RYR2: variants seen among roughly 807,000 people sequenced by gnomAD.
RYR2 encodes cardiac muscle ryanodine receptor-calcium release channel.
A neutral mutation model predicts 601.1 loss-of-function variants in RYR2; 227 were observed. That is an observed-to-expected ratio of 0.38 (90% CI 0.34 to 0.42). The LOEUF is 0.42. Among genes scored for constraint, RYR2 ranks in the 10% least tolerant of loss-of-function variants. The pLI is 1.00. For synonymous variants in RYR2, 2,223 were observed against 2,175.1 expected (o/e 1.02, Z -0.61); for missense variants, 4,646 against 6,156.5 (o/e 0.75, Z 8.21).
chr1:237,236,256 C>T (rs1412505615), intron 1 of RYR2, among the ~76,000 whole-genome samples: 1 of 152,194 alleles, frequency 6.6e-6, no homozygotes, highest in African/African-American at 2.4e-5. Flanking sequence ...TTGCTCGTAG[C>T]ACTCATTGTG....
intron 17 of RYR2, among the ~76,000 whole-genome samples, chr1:237,491,044 C>T (rs1394799013): frequency 6.6e-6 from 1 of 152,122 alleles, no homozygotes; most frequent in Admixed American, 6.5e-5. Flanking sequence ...CAGAGGTACA[C>T]ATTTAGCTTT....
intron 33 of RYR2, among the ~76,000 whole-genome samples, chr1:237,595,199 A>G (rs566356257): frequency 6.6e-6 from 1 of 152,192 alleles, no homozygotes; most frequent in South Asian, 2.1e-4. Context: ...ACCCAGAAAA[A>G]GGTCTAGTTT....
chr1:237,675,287 C>A (rs13374681), intron 60 of RYR2, among the ~76,000 whole-genome samples: 2 of 152,048 alleles, frequency 1.3e-5, no homozygotes, highest in African/African-American at 2.4e-5. Context: ...AACTGCTGTG[C>A]AGAATACTTT....
At chr1:237,557,702 G>C (rs187484936) in intron 27 of RYR2, among the ~76,000 whole-genome samples, 1 of 152,112 alleles carries the variant, frequency 6.6e-6, no homozygotes, top group East Asian at 1.9e-4. Flanking sequence ...CCTTGTCTTT[G>C]GCAATACTGT....
At chr1:237,624,989 A>C (rs1171873081) in intron 39 of RYR2, among the ~76,000 whole-genome samples, 1 of 151,486 alleles carries the variant, frequency 6.6e-6, no homozygotes, top group South Asian at 2.1e-4. Flanking sequence ...ATGTGTGTGT[A>C]TATATATATA....
At chr1:237,792,418 TG>T in intron 94 of RYR2, 95 bp downstream of exon 94, 1 of 790,766 alleles carries the variant, frequency 1.3e-6, no homozygotes, top group Non-Finnish European at 1.9e-6. Context: ...TGTGTGTGTG[TG>T]TGTGTTTTGC....
At chr1:237,088,490 C>T (rs576850220) in intron 1 of RYR2, among the ~76,000 whole-genome samples, 6 of 152,284 alleles carry the variant, frequency 3.9e-5, no homozygotes, top group Middle Eastern at 3.4e-3. Context: ...CAATGCTTTT[C>T]GCAATTTATT....
At chr1:237,554,350 C>T (rs986011959) in intron 27 of RYR2, among the ~76,000 whole-genome samples, 5 of 151,930 alleles carry the variant, frequency 3.3e-5, no homozygotes, top group African/African-American at 9.7e-5. Context: ...TCTCTTCAGT[C>T]ATGATGCATT....
At chr1:237,092,839 T>C (rs1667120529) in intron 1 of RYR2, among the ~76,000 whole-genome samples, 1 of 152,108 alleles carries the variant, frequency 6.6e-6, no homozygotes. Context: ...CCAAAGATAG[T>C]CTTATTATTA....
intron 17 of RYR2, among the ~76,000 whole-genome samples, chr1:237,481,108 A>ATG (rs1553467420): frequency 1.4e-3 from 81 of 57,220 alleles, no homozygotes; most frequent in African/African-American, 0.011. Flanking sequence ...GTATATATAC[A>ATG]TATATATATA....
chr1:237,121,850 G>T (rs1670819204), intron 1 of RYR2, among the ~76,000 whole-genome samples: 1 of 152,190 alleles, frequency 6.6e-6, no homozygotes, highest in Non-Finnish European at 1.5e-5. Context: ...TAAAAATTTA[G>T]ATGTGGTGTA....
chr1:237,133,931 A>AAAC (rs1553310925), intron 1 of RYR2, among the ~76,000 whole-genome samples: 2 of 151,578 alleles, frequency 1.3e-5, no homozygotes, highest in African/African-American at 2.4e-5. Context: ...TCTCAAAAAA[A>AAAC]AAAAAAAAAC....
At chr1:237,656,010 A>G (rs1001918851) in intron 53 of RYR2, 26 bp downstream of exon 53, 8 of 1,606,844 alleles carry the variant, frequency 5.0e-6, no homozygotes, top group African/African-American at 1.3e-5. Flanking sequence ...ATTGCAGCAG[A>G]TTTTTATTGT....
At chr1:237,190,132 G>T (rs1482793427) in intron 1 of RYR2, among the ~76,000 whole-genome samples, 4 of 152,016 alleles carry the variant, frequency 2.6e-5, no homozygotes, top group East Asian at 1.9e-4. Flanking sequence ...CTGATGATCT[G>T]CCTGCTTTGG....
chr1:237,813,991 C>T (rs2149462914), intron 100 of RYR2, among the ~76,000 whole-genome samples: 1 of 152,286 alleles, frequency 6.6e-6, no homozygotes, highest in Admixed American at 6.5e-5. Context: ...TCAAACCAGA[C>T]AGGAGTCTGT....
In RYR2 at chr1:237,469,093, G is replaced by A. The variant is rs566885717; in HGVS notation, c.1614G>A (p.Ala538=). 8.1e-6 allele frequency: 13 copies of A among 1,611,520 alleles called. No homozygotes were observed. The highest frequency in any genetic ancestry group is 1.7e-4 in the Middle Eastern group (1 of 6,048). ...TGAAATCTATTTCTTCTTTTGCAGCGGCTCTAATTAGAGGAAATCGTAAAA... is the reference window on the plus strand; with the variant it reads ...TGAAATCTATTTCTTCTTTTGCAGCAGCTCTAATTAGAGGAAATCGTAAAA... ...SILNSLYELL[A]ALIRGNRKNC... Residue 538 remains alanine, a splice_region_variant and synonymous_variant, in exon 17 of 105, where the codon GCG becomes GCA. Coordinates refer to ENST00000366574, the MANE Select transcript of RYR2 (RefSeq NM_001035.3).
chr1:237,560,287 C>T (rs1308296135), intron 27 of RYR2, among the ~76,000 whole-genome samples: 1 of 152,236 alleles, frequency 6.6e-6, no homozygotes, highest in Non-Finnish European at 1.5e-5. Context: ...ATTGCTGCCT[C>T]ACAAAGCTGC....
intron 25 of RYR2, among the ~76,000 whole-genome samples, chr1:237,532,537 C>A (rs1278823855): frequency 6.6e-6 from 1 of 151,926 alleles, no homozygotes; most frequent in African/African-American, 2.4e-5. Flanking sequence ...CCTTTCCAAA[C>A]CACTCTCAGG....
chr1:237,578,521 A>C (rs993785437), intron 29 of RYR2, among the ~76,000 whole-genome samples: 10 of 152,194 alleles, frequency 6.6e-5, no homozygotes, highest in Non-Finnish European at 8.8e-5. Context: ...GCCTATTTCC[A>C]AAGGGAAGTC....
Sources: gnomAD v4.1 joint callset for allele counts (sites outside exome capture counted in the v4.1 genomes callset) on GRCh38, gnomAD v4.1.1 for gene constraint, MANE v1.5 for transcripts, NCBI Gene and HGNC (gene_info 2026-07-23, HGNC 2026-07-21) for gene names.